AKAP8L: variants seen among roughly 807,000 people sequenced by gnomAD.
The protein encoded by AKAP8L is A-kinase anchoring protein 8 like.
In AKAP8L, 34 loss-of-function variants were observed where a neutral mutation model predicts 77.5. That is an observed-to-expected ratio of 0.44 (90% CI 0.33 to 0.58). The LOEUF (loss-of-function observed/expected upper bound fraction) is 0.58. AKAP8L is among the 20% of genes least tolerant of loss of function. AKAP8L has a pLI of 0.02. For synonymous variants in AKAP8L, 342 were observed against 340.7 expected (o/e 1.00, Z -0.04); for missense variants, 806 against 887.6 (o/e 0.91, Z 1.17).
Position 15,400,541 on chromosome 19 carries a change from G to C in AKAP8L, c.985-183C>G. On this transcript the variant is annotated intron_variant, in intron 7 of 13. Coordinates refer to ENST00000397410, the MANE Select transcript of AKAP8L (RefSeq NM_014371.4). ...TATTTACAATGGCTTTAAATGACAA[G>C]GCCCGGCTATGTGCCAGAAACCTCA... 6 of 728,388 alleles carry C rather than the reference G, an allele frequency of 8.2e-6. No homozygotes were observed. In the South Asian group the frequency reaches 1.1e-4, roughly 14 times the overall value. 45.1% of individuals were successfully genotyped at this position (728,388 alleles called of 1,614,324 possible).
Position 15,399,875 on chromosome 19 carries a change from C to T in AKAP8L, c.1048+420G>A. 1 of 313,014 alleles carries T rather than the reference C, an allele frequency of 3.2e-6. No homozygotes were observed. Among genetic ancestry groups the T allele is most frequent in the Non-Finnish European group, 6.0e-6 (1 of 165,338 alleles). 19.4% of individuals were successfully genotyped at this position (313,014 alleles called of 1,614,324 possible). On this transcript the variant is annotated intron_variant, in intron 8 of 13. Coordinates refer to ENST00000397410, the MANE Select transcript of AKAP8L (RefSeq NM_014371.4). The surrounding 1 kb of genome is among the most constrained non-coding windows in gnomAD (Gnocchi z 6.1). ...CAGGTGGGGGGACACGGAATCCCAA[C>T]AGGGGCTGGAGAGGTGCTAAGGGAG...
rs1967897484 is a variant in AKAP8L at position 15,401,451 on chromosome 19, C to T, written c.515G>A (p.Gly172Asp). 2 of 1,613,706 alleles carry T rather than the reference C, an allele frequency of 1.2e-6. No individual in the cohort carries two copies. Among genetic ancestry groups the T allele is most frequent in the Non-Finnish European group, 1.7e-6 (2 of 1,179,896 alleles). The stretch of plus-strand genomic sequence containing the variant: ...TGCCCTGGGACCGAAGGTGTCGTTG[C>T]CACGCATGCGGAACTGGTCGCGGTA... ...DAYRDQFRMR[G>D]NDTFGPRAQG... The change falls in exon 5 of 14, where the codon GGC (glycine) becomes GAC (aspartate). Residue 172 changes from glycine to aspartate, a missense_variant. This residue lies in a region of AKAP8L where 580 missense variants were observed against 694.1 expected (regional missense o/e 0.84). Coordinates refer to ENST00000397410, the MANE Select transcript of AKAP8L (RefSeq NM_014371.4). The surrounding 1 kb of genome is among the most constrained non-coding windows in gnomAD (Gnocchi z 6.2).
At chr19:15,408,342 A>G (rs1968040697) in intron 2 of AKAP8L, among the ~76,000 whole-genome samples, 1 of 152,144 alleles carries the variant, frequency 6.6e-6, no homozygotes, top group South Asian at 2.1e-4. Context: ...AGGCGGGTGG[A>G]TCACCTGAGA....
At chr19:15,382,840 A>G (rs187551113) in intron 12 of AKAP8L, among the ~76,000 whole-genome samples, 192 of 152,352 alleles carry the variant, frequency 1.3e-3, no homozygotes, top group African/African-American at 4.5e-3. Context: ...GCAAGACTCA[A>G]TTCTTTTTTC....
At chr19:15,382,457 CT>C (rs1253706755) in intron 12 of AKAP8L, among the ~76,000 whole-genome samples, 1 of 152,186 alleles carries the variant, frequency 6.6e-6, no homozygotes. Flanking sequence ...CCCATCTCGG[CT>C]TCCCAAAGTG....
chr19:15,386,919 A>G (rs1349977583), intron 12 of AKAP8L, among the ~76,000 whole-genome samples: 1 of 152,154 alleles, frequency 6.6e-6, no homozygotes, highest in Non-Finnish European at 1.5e-5. Flanking sequence ...TTGGCCTCCC[A>G]AAGTGCTGGG....
chr19:15,408,871 C>CAAAA (rs559627849), intron 2 of AKAP8L, among the ~76,000 whole-genome samples: 1 of 68,090 alleles, frequency 1.5e-5, no homozygotes, highest in African/African-American at 5.7e-5. Context: ...GACTCTGTCT[C>CAAAA]AAAAAAAAAA....
At chr19:15,418,774 G>A in intron 1 of AKAP8L, 137 bp downstream of exon 1, 1 of 823,286 alleles carries the variant, frequency 1.2e-6, no homozygotes, top group Non-Finnish European at 1.9e-6. Flanking sequence ...TGAGGCGACG[G>A]GCCAGCGGCG....
chr19:15,411,948 G>A (rs992182899), intron 1 of AKAP8L, among the ~76,000 whole-genome samples: 2 of 152,142 alleles, frequency 1.3e-5, no homozygotes, highest in Admixed American at 6.6e-5. Flanking sequence ...AGTGGCTCAC[G>A]CCTGTAATCC....
intron 12 of AKAP8L, 118 bp from the exon 13 acceptor site, chr19:15,380,730 C>T (rs1046528612): frequency 1.2e-6 from 1 of 845,386 alleles, no homozygotes; most frequent in Non-Finnish European, 1.9e-6. Flanking sequence ...ACTTCCAGCC[C>T]CACCAACGGA....
chr19:15,414,478 TTTC>T (rs904981102), intron 1 of AKAP8L, among the ~76,000 whole-genome samples: 2 of 151,822 alleles, frequency 1.3e-5, no homozygotes, highest in African/African-American at 4.8e-5. Context: ...AGATCACAGA[TTTC>T]TTTTTTTTTT....
chr19:15,406,646 T>C (rs572393388), intron 2 of AKAP8L, among the ~76,000 whole-genome samples: 6 of 151,874 alleles, frequency 4.0e-5, no homozygotes, highest in African/African-American at 1.5e-4. Flanking sequence ...TTTTCTATTT[T>C]TGTAGAGATA....
chr19:15,403,908 C>T lies in AKAP8L; in HGVS notation c.121+102G>A. ...AGGAGTAGGTAACCCCAGAAACATG[C>T]CCCCTCCCCACTCCCAACCTTGGCC... On this transcript the variant is annotated intron_variant, in intron 3 of 13. Coordinates refer to ENST00000397410, the MANE Select transcript of AKAP8L (RefSeq NM_014371.4). This position sits in a 1 kb window ranked among gnomAD's most constrained non-coding sequence, Gnocchi z 4.3. 7.1e-7 allele frequency: 1 copy of T among 1,400,376 alleles called. No individual in the cohort carries two copies. The allele number at this position is 1,400,376 out of a possible 1,614,324, so 86.7% of individuals were successfully genotyped here. A position where few individuals can be genotyped will look rare whatever the true frequency, so the allele number is the denominator to read the frequency against.
At chr19:15,385,972 G>A (rs1181825078) in intron 12 of AKAP8L, among the ~76,000 whole-genome samples, 1 of 150,038 alleles carries the variant, frequency 6.7e-6, no homozygotes, top group Non-Finnish European at 1.5e-5. Flanking sequence ...GTGCAGTGGC[G>A]CGATCTCGGC....
At position 15,399,267 on chromosome 19, in the gene AKAP8L, A is replaced by G. The variant is rs375500086; in HGVS notation, c.1157+35T>C. Reference sequence around the variant, plus strand: ...CTCTCCTGGCGGCAGCCCCACAGCGAGGCAGAGGCAGAGGGGTGGAGGGAA... The same window carrying G: ...CTCTCCTGGCGGCAGCCCCACAGCGGGGCAGAGGCAGAGGGGTGGAGGGAA... On this transcript the variant is annotated intron_variant, in intron 9 of 13. Transcript: ENST00000397410. This position sits in a 1 kb window ranked among gnomAD's most constrained non-coding sequence, Gnocchi z 6.1. 567 of 1,566,206 alleles carry G rather than the reference A, an allele frequency of 3.6e-4. 1 individual carries two copies. The highest frequency in any genetic ancestry group is 4.3e-4 in the Non-Finnish European group (492 of 1,136,596).
intron 12 of AKAP8L, among the ~76,000 whole-genome samples, chr19:15,393,711 G>A (rs1420367775): frequency 2.0e-5 from 3 of 151,950 alleles, no homozygotes; most frequent in Non-Finnish European, 2.9e-5. Flanking sequence ...ACCTGAGGTC[G>A]GGAGTTCGCG....
chr19:15,399,529 A>G lies in AKAP8L; in HGVS notation c.1049-119T>C. ...GAGGGTCCATCGAGAATAGCTGTCC[A>G]AGCAAGGCCTCTGGCCATGAGCAGG... On this transcript the variant is annotated intron_variant, in intron 8 of 13. Transcript: ENST00000397410. The surrounding 1 kb of genome is among the most constrained non-coding windows in gnomAD (Gnocchi z 6.1). 2.6e-6 allele frequency: 2 copies of G among 766,324 alleles called. No homozygotes were observed. The highest frequency in any genetic ancestry group is 4.6e-6 in the Non-Finnish European group (2 of 439,478). The allele number at this position is 766,324 out of a possible 1,614,324, so 47.5% of individuals were successfully genotyped here.
chr19:15,388,789 G>A (rs1368489852), intron 12 of AKAP8L, among the ~76,000 whole-genome samples: 3 of 151,940 alleles, frequency 2.0e-5, no homozygotes, highest in South Asian at 4.1e-4. Flanking sequence ...GGTGGCGGGC[G>A]CCTGTAGTCC....
chr19:15,414,410 T>C (rs567432121), intron 1 of AKAP8L, among the ~76,000 whole-genome samples: 12 of 152,132 alleles, frequency 7.9e-5, no homozygotes, highest in African/African-American at 2.9e-4. Context: ...ATCAGCCTGA[T>C]TAGCGCTGGT....
Sources: gnomAD v4.1 joint callset for allele counts (sites outside exome capture counted in the v4.1 genomes callset) on GRCh38, gnomAD v4.1.1 for gene constraint, gnomAD v4.1.1 regional missense constraint, Gnocchi (gnomAD v3.1) non-coding constraint, MANE v1.5 for transcripts, NCBI Gene and HGNC (gene_info 2026-07-23, HGNC 2026-07-21) for gene names.